Variants in NUP155 observed in about 807,000 individuals in gnomAD.
NUP155 encodes the protein nucleoporin 155.
In NUP155, 71 loss-of-function variants were observed where a neutral mutation model predicts 180.4. The ratio of observed to expected loss-of-function variants is 0.39; its 90% CI spans 0.33 to 0.48. The LOEUF is 0.48. Among genes scored for constraint, NUP155 ranks in the 20% least tolerant of loss-of-function variants. The probability of loss-of-function intolerance (pLI) is 0.91; values close to 1 mark genes in which losing one functional copy is unlikely to be tolerated. For missense variants in NUP155, 1,553 were observed against 1,648.9 expected (o/e 0.94, Z 1.01); for synonymous variants, 582 against 559.5 (o/e 1.04, Z -0.57).
chr5:37,307,458 C>A, intron 24 of NUP155, 26 bp from the exon 25 acceptor site: 2 of 1,612,248 alleles, frequency 1.2e-6, no homozygotes, highest in Middle Eastern at 1.6e-4. Flanking sequence ...AGAATGAAGA[C>A]CTATGACTTA....
rs1747405446 is a variant in NUP155 at position 37,364,285 on chromosome 5, C to T, written c.257G>A (p.Arg86Lys). 2 of 1,612,952 alleles carry T rather than the reference C, an allele frequency of 1.2e-6. No individual in the cohort carries two copies. Among genetic ancestry groups the T allele is most frequent in the Non-Finnish European group, 1.7e-6 (2 of 1,179,114 alleles). ...PNLPEISSIR[R>K]VPLPPELVEQ... ...AACAAGTTCAGGTGGGAGAGGAACT[C>T]TTCGGATGGAACTGATCTCTGGAAG... Residue 86 changes from arginine (R) to lysine (K), a missense_variant, in exon 2 of 35, where the codon AGA (arginine) becomes AAA (lysine). Coordinates refer to ENST00000231498, the MANE Select transcript of NUP155 (RefSeq NM_153485.3).
chr5:37,337,683 T>C (rs1745422573), intron 12 of NUP155, 135 bp downstream of exon 12: 1 of 606,706 alleles, frequency 1.6e-6, no homozygotes, highest in Non-Finnish European at 2.9e-6. Flanking sequence ...GACAGGATAA[T>C]TTCTTTACTT....
At chr5:37,338,817 C>A (rs991092051) in intron 11 of NUP155, among the ~76,000 whole-genome samples, 2 of 152,072 alleles carry the variant, frequency 1.3e-5, no homozygotes, top group South Asian at 4.1e-4. Context: ...AACTGTATTT[C>A]TCTCAGATAA....
At chr5:37,313,063 G>C (rs887999132) in intron 22 of NUP155, among the ~76,000 whole-genome samples, 3 of 152,054 alleles carry the variant, frequency 2.0e-5, no homozygotes, top group African/African-American at 7.3e-5. Context: ...CTTATCCTTA[G>C]AAAGGATTCA....
chr5:37,314,697 G>C (rs189310954), intron 21 of NUP155, among the ~76,000 whole-genome samples: 27 of 152,030 alleles, frequency 1.8e-4, no homozygotes, highest in Admixed American at 9.8e-4. Flanking sequence ...ATTAGCTGGT[G>C]GGGGGGATGG....
intron 13 of NUP155, among the ~76,000 whole-genome samples, chr5:37,332,450 T>G (rs1051182835): frequency 1.0e-4 from 15 of 150,508 alleles, no homozygotes; most frequent in African/African-American, 3.7e-4. Flanking sequence ...GCCTCCCGAG[T>G]AGCTGTGACT....
intron 22 of NUP155, among the ~76,000 whole-genome samples, chr5:37,312,566 T>C (rs1053136874): frequency 2.0e-5 from 3 of 152,316 alleles, no homozygotes; most frequent in East Asian, 1.9e-4. Flanking sequence ...TGAACCAATC[T>C]GTAAAAAGAC....
intron 3 of NUP155, among the ~76,000 whole-genome samples, chr5:37,362,442 C>A (rs1747286658): frequency 6.6e-6 from 1 of 151,980 alleles, no homozygotes; most frequent in Non-Finnish European, 1.5e-5. Context: ...GCATGTGCCA[C>A]CATGCCAGGC....
intron 9 of NUP155, among the ~76,000 whole-genome samples, chr5:37,346,549 G>A (rs1347454202): frequency 6.6e-6 from 1 of 151,934 alleles, no homozygotes; most frequent in East Asian, 1.9e-4. Context: ...ACAGGCGCCT[G>A]TAATTCCAGC....
Position 37,318,079 on chromosome 5 carries a change from A to G in NUP155, c.2214T>C (p.Thr738=). The G allele has an allele frequency of 6.3e-7, 1 of 1,599,122 alleles. No homozygotes were observed. Among genetic ancestry groups the G allele is most frequent in the Non-Finnish European group, 8.6e-7 (1 of 1,166,402 alleles). Residue 738 remains threonine, a synonymous_variant, in exon 21 of 35, where the codon ACT becomes ACC. Transcript: ENST00000231498. ...CTATCAGCCTCTGCTGCACTTTAGCAGTAGTACTGAAACAGAAATTGCAGA... is the reference window on the plus strand; with the variant it reads ...CTATCAGCCTCTGCTGCACTTTAGCGGTAGTACTGAAACAGAAATTGCAGA... ...AGGPLGNPNT[T]AKVQQRLIGF... is the part of the protein sequence containing the mutation.
chr5:37,349,677 T>C (rs769168022), intron 7 of NUP155, among the ~76,000 whole-genome samples: 1 of 152,186 alleles, frequency 6.6e-6, no homozygotes, highest in Non-Finnish European at 1.5e-5. Flanking sequence ...TTGGCCTAAT[T>C]GATTGTGTGA....
chr5:37,302,712 A>C (rs1012200142), intron 29 of NUP155, 67 bp downstream of exon 29: 3 of 1,529,286 alleles, frequency 2.0e-6, no homozygotes, highest in African/African-American at 1.4e-5. Context: ...CAAGGGAAGA[A>C]TGGAATGTGG....
chr5:37,317,945 A>C (rs774878980), intron 21 of NUP155, 43 bp downstream of exon 21: 13 of 1,009,474 alleles, frequency 1.3e-5, no homozygotes, highest in Non-Finnish European at 2.1e-5. Context: ...ATAAAATTTT[A>C]CTGAGGTCAT....
intron 32 of NUP155, among the ~76,000 whole-genome samples, chr5:37,296,277 C>G (rs1038174316): frequency 2.0e-5 from 3 of 152,038 alleles, no homozygotes; most frequent in Non-Finnish European, 2.9e-5. Flanking sequence ...GGATGGTTGC[C>G]GTGTCTGTAT....
chr5:37,318,616 A>T (rs2150955898), intron 20 of NUP155, among the ~76,000 whole-genome samples: 1 of 152,344 alleles, frequency 6.6e-6, no homozygotes, highest in South Asian at 2.1e-4. Context: ...CCTAAGTATA[A>T]TGCAAATATT....
chr5:37,364,122 A>T, intron 2 of NUP155, 125 bp downstream of exon 2: 1 of 1,113,014 alleles, frequency 9.0e-7, no homozygotes, highest in South Asian at 1.3e-5. Flanking sequence ...CCATATACTT[A>T]AACGAATTTT....
At position 37,314,198 on chromosome 5, in the gene NUP155, C is replaced by G. The variant is rs1176891189; in HGVS notation, c.2436G>C (p.Lys812Asn). The change falls in exon 22 of 35, where the codon AAG (lysine) becomes AAC (asparagine). Residue 812 changes from lysine (K) to asparagine (N), a missense_variant and splice_region_variant. Transcript: ENST00000231498. ...QFTIIVAELQ[K>N]ELQEQLKITT... The stretch of plus-strand genomic sequence containing the variant: ...ATCATAAAAAAATAAAAAAAATTAC[C>G]TTCTGAAGTTCTGCCACAATGATAG... 6.2e-7 allele frequency: 1 copy of G among 1,601,902 alleles called. No homozygotes were observed. Among genetic ancestry groups the G allele is most frequent in the Non-Finnish European group, 8.5e-7 (1 of 1,170,412 alleles).
At chr5:37,329,084 T>C (rs777380312) in intron 16 of NUP155, 106 bp downstream of exon 16, 40 of 765,984 alleles carry the variant, frequency 5.2e-5, no homozygotes, top group Non-Finnish European at 9.0e-5. Context: ...AATTATACAA[T>C]AGCAGTAAAT....
At chr5:37,324,657 G>A (rs1172694178) in intron 19 of NUP155, among the ~76,000 whole-genome samples, 1 of 151,894 alleles carries the variant, frequency 6.6e-6, no homozygotes, top group Non-Finnish European at 1.5e-5. Flanking sequence ...AAGTTCAAGT[G>A]ACCCTCCTTC....
Sources: allele counts gnomAD v4.1 joint callset (sites outside exome capture counted in the v4.1 genomes callset), GRCh38; gene constraint gnomAD v4.1.1; transcripts MANE v1.5; gene names NCBI Gene and HGNC (gene_info 2026-07-23, HGNC 2026-07-21).